The following DLG2 variants were observed in gnomAD, a reference collection of about 807,000 sequenced individuals.
The protein encoded by DLG2 is discs large MAGUK scaffold protein 2.
In DLG2, 45 loss-of-function variants were observed where a neutral mutation model predicts 132.5. The ratio of observed to expected loss-of-function variants is 0.34; its 90% CI spans 0.27 to 0.44. The LOEUF (loss-of-function observed/expected upper bound fraction) is 0.44. DLG2 is among the 20% of genes least tolerant of loss of function. The pLI is 1.00. For missense variants in DLG2, 1,045 were observed against 1,196.9 expected (o/e 0.87, Z 1.87); for synonymous variants, 424 against 419.6 (o/e 1.01, Z -0.13).
At chr11:84,464,910 G>A (rs1260168564) in intron 7 of DLG2, among the ~76,000 whole-genome samples, 9 of 150,776 alleles carry the variant, frequency 6.0e-5, no homozygotes, top group South Asian at 2.1e-4. Flanking sequence ...AAGGGACCTC[G>A]GAATCACATG....
intron 6 of DLG2, among the ~76,000 whole-genome samples, chr11:84,948,588 A>G (rs890464394): frequency 5.3e-5 from 8 of 152,258 alleles, no homozygotes; most frequent in African/African-American, 1.9e-4. Context: ...CCTGAAGAAC[A>G]GCACATTTTA....
intron 9 of DLG2, among the ~76,000 whole-genome samples, chr11:84,126,404 C>G (rs907661656): frequency 1.3e-5 from 2 of 152,160 alleles, no homozygotes; most frequent in Non-Finnish European, 2.9e-5. Flanking sequence ...CAAGGAGAGG[C>G]TGGCCTTTTA....
chr11:85,281,911 T>C (rs544436396), intron 4 of DLG2, among the ~76,000 whole-genome samples: 12 of 152,004 alleles, frequency 7.9e-5, no homozygotes, highest in Non-Finnish European at 1.6e-4. Context: ...TGTACTCCAA[T>C]GTTTATTGCA....
intron 9 of DLG2, among the ~76,000 whole-genome samples, chr11:84,140,540 A>G (rs1168904920): frequency 6.6e-6 from 1 of 152,178 alleles, no homozygotes; most frequent in East Asian, 1.9e-4. Context: ...CGAGTTCCAA[A>G]AATGCTAAAC....
chr11:85,249,099 G>A (rs1043804304), intron 4 of DLG2, among the ~76,000 whole-genome samples: 2 of 151,878 alleles, frequency 1.3e-5, no homozygotes, highest in Non-Finnish European at 2.9e-5. Context: ...AATAAACTAT[G>A]CTTTATGAAT....
intron 3 of DLG2, among the ~76,000 whole-genome samples, chr11:85,338,774 G>A (rs979449001): frequency 7.5e-5 from 11 of 147,614 alleles, no homozygotes; most frequent in Admixed American, 4.1e-4. Flanking sequence ...ACGCGATCTC[G>A]GCTCACTGCA....
intron 17 of DLG2, among the ~76,000 whole-genome samples, chr11:83,826,358 C>T (rs1164592533): frequency 2.0e-5 from 3 of 152,146 alleles, no homozygotes; most frequent in Non-Finnish European, 4.4e-5. Flanking sequence ...CAAGCCATAT[C>T]TGTTTTCATT....
intron 7 of DLG2, among the ~76,000 whole-genome samples, chr11:84,453,909 G>T (rs1413092212): frequency 6.6e-6 from 1 of 151,622 alleles, no homozygotes; most frequent in Non-Finnish European, 1.5e-5. Flanking sequence ...AGGATCAGAA[G>T]CCGTTCTTCT....
At chr11:85,095,050 G>T (rs1368946868) in intron 6 of DLG2, among the ~76,000 whole-genome samples, 1 of 152,178 alleles carries the variant, frequency 6.6e-6, no homozygotes, top group East Asian at 1.9e-4. Flanking sequence ...AGAGACAGGG[G>T]AATGGCCACT....
intron 14 of DLG2, among the ~76,000 whole-genome samples, chr11:83,950,567 T>C (rs2085170998): frequency 6.6e-6 from 1 of 152,204 alleles, no homozygotes. Flanking sequence ...CACTCCAGCC[T>C]GGGCAAGAAG....
intron 3 of DLG2, among the ~76,000 whole-genome samples, chr11:85,496,638 T>C (rs1451590280): frequency 2.0e-5 from 3 of 152,172 alleles, no homozygotes; most frequent in East Asian, 3.9e-4. Flanking sequence ...CTGATCCCCA[T>C]GTAGCCTGAC....
At chr11:83,573,762 C>T (rs1821060998) in intron 19 of DLG2, among the ~76,000 whole-genome samples, 2 of 152,210 alleles carry the variant, frequency 1.3e-5, no homozygotes, top group South Asian at 4.2e-4. Context: ...TATTATGTAT[C>T]ACTGGGTGCA....
intron 6 of DLG2, among the ~76,000 whole-genome samples, chr11:84,883,551 C>A (rs971876171): frequency 6.6e-6 from 1 of 151,952 alleles, no homozygotes; most frequent in African/African-American, 2.4e-5. Context: ...AAATATTGTT[C>A]ACATATCAAT....
At chr11:83,758,939 C>T (rs539112109) in intron 18 of DLG2, among the ~76,000 whole-genome samples, 1 of 152,042 alleles carries the variant, frequency 6.6e-6, no homozygotes, top group Non-Finnish European at 1.5e-5. Context: ...AAAAGAGATG[C>T]TTTCCAAGGC....
chr11:84,665,060 A>G (rs1375348360), intron 6 of DLG2, among the ~76,000 whole-genome samples: 2 of 152,046 alleles, frequency 1.3e-5, no homozygotes, highest in Non-Finnish European at 2.9e-5. Context: ...AGATTCTTCT[A>G]TAGAATGGGA....
intron 14 of DLG2, among the ~76,000 whole-genome samples, chr11:83,953,427 A>G (rs2085988783): frequency 6.6e-6 from 1 of 152,204 alleles, no homozygotes; most frequent in Admixed American, 6.5e-5. Flanking sequence ...TCTAGGTCGC[A>G]TGCTCTTTAT....
intron 19 of DLG2, among the ~76,000 whole-genome samples, chr11:83,596,648 A>G (rs1168595755): frequency 6.6e-6 from 1 of 152,210 alleles, no homozygotes; most frequent in Admixed American, 6.5e-5. Flanking sequence ...AAGTTACTTT[A>G]CATGATATTC....
chr11:84,711,613 C>G (rs187435302), intron 6 of DLG2, among the ~76,000 whole-genome samples: 197 of 152,042 alleles, frequency 1.3e-3, no homozygotes, highest in Non-Finnish European at 2.4e-3. Context: ...AGAGCCAATG[C>G]TTCACTTCAA....
chr11:83,572,498 A>G (rs2096813453), intron 19 of DLG2, among the ~76,000 whole-genome samples: 1 of 152,184 alleles, frequency 6.6e-6, no homozygotes, highest in South Asian at 2.1e-4. Flanking sequence ...AGGAGCTTCT[A>G]AGAAAAAAGT....
Sources: allele counts gnomAD v4.1 joint callset (sites outside exome capture counted in the v4.1 genomes callset), GRCh38; gene constraint gnomAD v4.1.1; transcripts MANE v1.5; gene names NCBI Gene and HGNC (gene_info 2026-07-23, HGNC 2026-07-21).